Variants in CDHR3 observed in about 807,000 individuals in gnomAD.
The protein encoded by CDHR3 is cadherin related family member 3.
In CDHR3, 79 loss-of-function variants were observed where a neutral mutation model predicts 86.6. The observed-to-expected ratio is 0.91, with a 90% CI of 0.76 to 1.10. The LOEUF (loss-of-function observed/expected upper bound fraction) is 1.10. Among genes scored for constraint, CDHR3 ranks in the 50% least tolerant of loss-of-function variants. The pLI, the probability that CDHR3 is intolerant of heterozygous loss-of-function variation, is 0.00. For missense variants in CDHR3, 1,081 were observed against 1,077.6 expected (o/e 1.00, Z -0.04); for synonymous variants, 421 against 402.4 (o/e 1.05, Z -0.55).
At chr7:105,973,606 G>T (rs1428206688) in intron 1 of CDHR3, among the ~76,000 whole-genome samples, 3 of 152,120 alleles carry the variant, frequency 2.0e-5, no homozygotes, top group Non-Finnish European at 2.9e-5. Context: ...ACTGGATTTA[G>T]GACCCACCCT....
intron 1 of CDHR3, among the ~76,000 whole-genome samples, chr7:105,964,941 C>G (rs1250490164): frequency 6.6e-6 from 1 of 152,038 alleles, no homozygotes; most frequent in Non-Finnish European, 1.5e-5. Flanking sequence ...GCTTTTAGGG[C>G]CACAATCATT....
At chr7:105,988,711 A>C (rs1353377611) in intron 4 of CDHR3, among the ~76,000 whole-genome samples, 2 of 152,342 alleles carry the variant, frequency 1.3e-5, no homozygotes, top group African/African-American at 4.8e-5. Context: ...ACACTGATCA[A>C]TATTGGACCG....
At chr7:106,028,442 C>A in intron 16 of CDHR3, 109 bp from the exon 17 acceptor site, 1 of 1,200,308 alleles carries the variant, frequency 8.3e-7, no homozygotes, top group Non-Finnish European at 1.2e-6. Flanking sequence ...GCTGTGTCTG[C>A]AAGACTGAGA....
At chr7:105,971,679 G>A (rs1470615532) in intron 1 of CDHR3, among the ~76,000 whole-genome samples, 1 of 152,160 alleles carries the variant, frequency 6.6e-6, no homozygotes, top group Non-Finnish European at 1.5e-5. Flanking sequence ...TATTTGGGGA[G>A]CATGGCTTCT....
intron 8 of CDHR3, among the ~76,000 whole-genome samples, chr7:106,006,018 A>G (rs1833898424): frequency 6.7e-6 from 1 of 150,374 alleles, no homozygotes; most frequent in African/African-American, 2.4e-5. Flanking sequence ...ACAGTTCCAC[A>G]TGGCTGGGGA....
chr7:105,989,763 G>T (rs1229841107), intron 4 of CDHR3, among the ~76,000 whole-genome samples: 1 of 152,172 alleles, frequency 6.6e-6, no homozygotes, highest in Non-Finnish European at 1.5e-5. Flanking sequence ...GGTAACTCCA[G>T]TGAGAACCCA....
rs1344285049 is a variant in CDHR3 at position 105,996,296 on chromosome 7, T to G, written c.655T>G (p.Ser219Ala). The G allele has an allele frequency of 5.6e-6, 9 of 1,600,476 alleles. No homozygotes were observed. Among genetic ancestry groups the G allele is most frequent in the Admixed American group, 1.7e-5 (1 of 59,694 alleles). The part of the protein sequence containing the change: ...EVRDSGGLKA[S>A]TELQVNIVNL... ...GAGGGACAGTGGAGGCCTCAAAGCC[T>G]CCACAGAGCTCCAGGTGAACATCGT... Residue 219 changes from serine to alanine, a missense_variant, in exon 6 of 19, where the codon TCC (serine) becomes GCC (alanine). Physicochemically the swap from Ser to Ala is moderately conservative, Grantham distance 99. Transcript: ENST00000317716.
chr7:105,993,600 C>T (rs1388782847), intron 4 of CDHR3, among the ~76,000 whole-genome samples: 5 of 146,604 alleles, frequency 3.4e-5, no homozygotes, highest in South Asian at 2.3e-4. Context: ...CACTTGAGCC[C>T]GGGAGGCGGA....
At chr7:106,029,110 G>C (rs189103945) in intron 17 of CDHR3, among the ~76,000 whole-genome samples, 2 of 152,094 alleles carry the variant, frequency 1.3e-5, no homozygotes, top group Admixed American at 6.6e-5. Context: ...CTCCCAAGTA[G>C]CTGGGATTAC....
At position 105,963,365 on chromosome 7, in the gene CDHR3, G is replaced by A. The variant is rs1215435336; in HGVS notation, c.46+1G>A. ...CTGGCTCTCCTGGGTGCCATGTCAG[G>A]TAGGAACTCAATTTTGCTTTGGAAC... On this transcript the variant is annotated splice_donor_variant, in intron 1 of 18. Transcript: ENST00000317716. LOFTEE classifies it high-confidence loss of function. 3 of 1,613,832 alleles carry A rather than the reference G, an allele frequency of 1.9e-6. 1 individual carries two copies. In the South Asian group the frequency reaches 3.3e-5, roughly 18 times the overall value.
chr7:106,001,027 C>T (rs932506059), intron 6 of CDHR3, among the ~76,000 whole-genome samples: 2 of 152,098 alleles, frequency 1.3e-5, no homozygotes, highest in Non-Finnish European at 2.9e-5. Context: ...GGGAGGGAAC[C>T]CGCAGCTCTG....
chr7:106,026,558 A>G, intron 15 of CDHR3, 124 bp from the exon 16 acceptor site: 1 of 944,814 alleles, frequency 1.1e-6, no homozygotes, highest in Non-Finnish European at 1.7e-6. Flanking sequence ...TATCCCTGGC[A>G]CCTCTTTCAG....
Position 105,994,731 on chromosome 7 carries a change from T to C in CDHR3, c.514-20T>C. The C allele has an allele frequency of 6.3e-7, 1 of 1,574,834 alleles. No homozygotes were observed. The highest frequency in any genetic ancestry group is 8.7e-7 in the Non-Finnish European group (1 of 1,150,916). ...GGGCAGGTGGGCTGATTTCATCAAT[T>C]TTTTTCCCTTGTTTTTTAGTATTTC... On this transcript the variant is annotated intron_variant, in intron 4 of 18. Transcript: ENST00000317716.
chr7:105,995,751 A>G (rs1321952183), intron 5 of CDHR3, among the ~76,000 whole-genome samples: 1 of 152,174 alleles, frequency 6.6e-6, no homozygotes, highest in Non-Finnish European at 1.5e-5. Flanking sequence ...AGGGTGATCT[A>G]TACAAGATTT....
Position 106,024,245 on chromosome 7 carries a change from C to T in CDHR3, c.2077-136C>T. 5.6e-6 allele frequency: 4 copies of T among 718,600 alleles called. No individual in the cohort carries two copies. In the South Asian group the frequency reaches 8.0e-5, roughly 14 times the overall value. The allele number at this position is 718,600 out of a possible 1,614,324, so 44.5% of individuals were successfully genotyped here. A position where few individuals can be genotyped will look rare whatever the true frequency, so the allele number is the denominator to read the frequency against. On this transcript the variant is annotated intron_variant, in intron 14 of 18. Coordinates refer to ENST00000317716, the MANE Select transcript of CDHR3 (RefSeq NM_152750.5). ...AGGTGATGGGTTGAAGCAGCAAGAA[C>T]TGTGAGCACACAGATGTCCAACTTA...
chr7:106,015,373 T>C (rs982663492), intron 10 of CDHR3, among the ~76,000 whole-genome samples, 160 bp downstream of exon 10: 17 of 151,882 alleles, frequency 1.1e-4, no homozygotes, highest in Admixed American at 1.3e-4. Flanking sequence ...CACTTAAGAG[T>C]CTTTGAAGGG....
At chr7:106,017,285 G>C (rs1835776159) in intron 11 of CDHR3, among the ~76,000 whole-genome samples, 1 of 152,080 alleles carries the variant, frequency 6.6e-6, no homozygotes, top group Non-Finnish European at 1.5e-5. Flanking sequence ...TGCTGGGCAT[G>C]GTGGCTGACG....
At chr7:105,963,472 A>G in intron 1 of CDHR3, 108 bp downstream of exon 1, 1 of 1,162,942 alleles carries the variant, frequency 8.6e-7, no homozygotes. Context: ...AGGCTTGTTC[A>G]ATTGAGGGCT....
intron 11 of CDHR3, 85 bp from the exon 12 acceptor site, chr7:106,017,761 C>T (rs1835885673): frequency 9.0e-7 from 1 of 1,115,828 alleles, no homozygotes; most frequent in Non-Finnish European, 1.3e-6. Flanking sequence ...GTCCTTCTTA[C>T]CATGGCAGTT....
Sources: allele counts gnomAD v4.1 joint callset (sites outside exome capture counted in the v4.1 genomes callset), GRCh38; gene constraint gnomAD v4.1.1; transcripts MANE v1.5; gene names NCBI Gene and HGNC (gene_info 2026-07-23, HGNC 2026-07-21).